Variants in CHFR observed in about 807,000 individuals in gnomAD.
CHFR encodes the protein E3 ubiquitin-protein ligase CHFR.
CHFR carries 57 observed loss-of-function variants against 87.6 expected under a neutral mutation model. The ratio of observed to expected loss-of-function variants is 0.65; its 90% CI spans 0.53 to 0.81. CHFR has a LOEUF of 0.81. Among genes scored for constraint, CHFR ranks in the 30% least tolerant of loss-of-function variants. The pLI is 0.00. For missense variants in CHFR, 797 were observed against 865.8 expected, an observed-to-expected ratio of 0.92 and a Z score of 1.00; for synonymous variants, 381 against 359.2, an observed-to-expected ratio of 1.06 and a Z score of -0.69.
rs1490748227 is a variant in CHFR at position 132,838,765 on chromosome 12, T to A, written c.*2789A>T. The A allele has an allele frequency of 6.6e-6, 1 of 152,202 alleles. No homozygotes were observed. Among genetic ancestry groups the A allele is most frequent in the Non-Finnish European group, 1.5e-5 (1 of 68,080 alleles). 9.4% of individuals were successfully genotyped at this position (152,202 alleles called of 1,614,324 possible). ...TTTGCTGGGTGGGATGGCTGGGTCT[T>A]GAGGACGAGGAAGTACAGAAGCTCA... is the stretch of plus-strand genomic sequence containing the variant. On this transcript the variant is annotated 3_prime_UTR_variant, in exon 18 of 18. Coordinates refer to ENST00000450056, the MANE Select transcript of CHFR (RefSeq NM_001161346.2).
intron 16 of CHFR, 24 bp downstream of exon 16, chr12:132,844,003 A>T (rs372224351): frequency 1.6e-5 from 23 of 1,467,522 alleles, no homozygotes; most frequent in Non-Finnish European, 2.0e-5. Context: ...AACTAGAGCC[A>T]TGAGGAAGTC....
intron 6 of CHFR, chr12:132,866,486 C>T (rs1231845218): frequency 6.6e-6 from 1 of 152,010 alleles, no homozygotes; most frequent in East Asian, 1.9e-4. Context: ...AATGTTACAA[C>T]ACAGCATGTA....
chr12:132,848,489 G>A, intron 13 of CHFR, 152 bp downstream of exon 13: 1 of 702,234 alleles, frequency 1.4e-6, no homozygotes, highest in Non-Finnish European at 2.5e-6. Flanking sequence ...ACACACCTCT[G>A]CAGTCCAGCC....
intron 9 of CHFR, 112 bp from the exon 10 acceptor site, chr12:132,856,742 C>T (rs760376738): frequency 1.6e-6 from 2 of 1,227,982 alleles, no homozygotes; most frequent in Non-Finnish European, 1.2e-6. Flanking sequence ...GGGGTCTGGG[C>T]GGACCGCCCT....
intron 9 of CHFR, 110 bp from the exon 10 acceptor site, chr12:132,856,740 G>A: frequency 1.6e-6 from 2 of 1,257,938 alleles, no homozygotes; most frequent in Non-Finnish European, 2.3e-6. Flanking sequence ...GAGGGGTCTG[G>A]GCGGACCGCC....
intron 3 of CHFR, among the ~76,000 whole-genome samples, chr12:132,873,680 C>T (rs1032664768): frequency 4.9e-5 from 7 of 144,292 alleles, no homozygotes; most frequent in African/African-American, 1.0e-4. Flanking sequence ...CATGCAGGGG[C>T]GCTGGAGCTG....
At chr12:132,884,386 G>A (rs1269127276) in intron 2 of CHFR, among the ~76,000 whole-genome samples, 1 of 149,636 alleles carries the variant, frequency 6.7e-6, no homozygotes, top group African/African-American at 2.4e-5. Context: ...CTGCACTACA[G>A]CCTGGGCAAT....
chr12:132,873,396 G>A (rs1951537552), intron 3 of CHFR, among the ~76,000 whole-genome samples: 1 of 152,240 alleles, frequency 6.6e-6, no homozygotes, highest in South Asian at 2.1e-4. Context: ...GTGTGTGTCT[G>A]AGTTCTGCTG....
chr12:132,847,982 G>A (rs1280002540), intron 14 of CHFR, 103 bp downstream of exon 14: 2 of 1,569,648 alleles, frequency 1.3e-6, no homozygotes, highest in Non-Finnish European at 1.7e-6. Flanking sequence ...ACCCGCAGCG[G>A]GTCAGGTAAA....
intron 15 of CHFR, among the ~76,000 whole-genome samples, chr12:132,846,653 G>A (rs1950835853): frequency 6.6e-6 from 1 of 152,028 alleles, no homozygotes; most frequent in Non-Finnish European, 1.5e-5. Flanking sequence ...AGCTGAGGTG[G>A]GCAGATCACC....
intron 6 of CHFR, among the ~76,000 whole-genome samples, chr12:132,864,907 T>C (rs1951299424): frequency 6.6e-6 from 1 of 152,188 alleles, no homozygotes; most frequent in African/African-American, 2.4e-5. Flanking sequence ...GCTATGCACA[T>C]TGGTGGATAG....
chr12:132,876,440 G>A (rs972827750), intron 3 of CHFR, among the ~76,000 whole-genome samples: 3 of 152,042 alleles, frequency 2.0e-5, no homozygotes, highest in African/African-American at 7.2e-5. Context: ...ATGCTCAACT[G>A]GTAAGTATAA....
At chr12:132,873,020 T>C (rs569062926) in intron 3 of CHFR, among the ~76,000 whole-genome samples, 201 of 152,262 alleles carry the variant, frequency 1.3e-3, no homozygotes, top group Non-Finnish European at 2.5e-3. Flanking sequence ...TCCTGGGGAC[T>C]TCTGAGCAGA....
intron 7 of CHFR, among the ~76,000 whole-genome samples, chr12:132,860,967 G>C (rs1051238105): frequency 6.6e-6 from 1 of 152,196 alleles, no homozygotes; most frequent in South Asian, 2.1e-4. Context: ...TGGCCAGGCT[G>C]GTCTTGAACT....
rs1451601823 is a variant in CHFR, at chr12:132,853,546, A to C, written c.1257T>G (p.Cys419Trp). The C allele has an allele frequency of 6.5e-7, 1 of 1,533,328 alleles. No homozygotes were observed. The highest frequency in any genetic ancestry group is 2.1e-5 in the Admixed American group (1 of 48,448). The allele number at this position is 1,533,328 out of a possible 1,614,324, so 95.0% of individuals were successfully genotyped here. ...ISQPYVVCRQ[C>W]PEYRRQAAQP... ...GCGCCGCCTGCCTTCTGTACTCAGGACACTGCCGGCACACGACGTATGGCT... is the reference window on the plus strand; with the variant it reads ...GCGCCGCCTGCCTTCTGTACTCAGGCCACTGCCGGCACACGACGTATGGCT... The change falls in exon 11 of 18, where the codon TGT (cysteine) becomes TGG (tryptophan). Residue 419 changes from cysteine to tryptophan, a missense_variant. Around this residue, in one of 2 missense-constraint regions of CHFR, gnomAD observed 597 missense variants for 601.2 expected, o/e 0.99. Transcript: ENST00000450056.
rs1291240066 is a variant in CHFR, at chr12:132,843,086, G to A, written c.1844-3C>T. ...GTCAGGACGGGATGTTACGGCCACTGGAAAAAGAGAAGGGGTACGCATCTA... is the reference window on the plus strand; with the variant it reads ...GTCAGGACGGGATGTTACGGCCACTAGAAAAAGAGAAGGGGTACGCATCTA... On this transcript the variant is annotated splice_polypyrimidine_tract_variant and splice_region_variant and intron_variant, in intron 16 of 17. Coordinates refer to ENST00000450056, the MANE Select transcript of CHFR (RefSeq NM_001161346.2). 6.2e-6 allele frequency: 10 copies of A among 1,612,452 alleles called. No homozygotes were observed. The highest frequency in any genetic ancestry group is 8.5e-6 in the Non-Finnish European group (10 of 1,179,390).
intron 10 of CHFR, among the ~76,000 whole-genome samples, chr12:132,856,034 T>C (rs1038585230): frequency 6.6e-6 from 1 of 152,152 alleles, no homozygotes; most frequent in Non-Finnish European, 1.5e-5. Context: ...ATGATAAACA[T>C]TGCAATTTAT....
Position 132,840,061 on chromosome 12 carries a change from C to G in CHFR, c.*1493G>C, listed in dbSNP as rs533581400. On this transcript the variant is annotated 3_prime_UTR_variant, in exon 18 of 18. Transcript: ENST00000450056. ...TCCCGGCCTCACCCCTGCACTAACA[C>G]GGGACCTCCCCTCTCAGCCCCACCC... is the stretch of plus-strand genomic sequence containing the variant. 2 of 154,096 alleles carry G rather than the reference C, an allele frequency of 1.3e-5. No individual in the cohort carries two copies. Among genetic ancestry groups the G allele is most frequent in the African/African-American group, 4.9e-5 (2 of 40,614 alleles). 9.5% of individuals were successfully genotyped at this position (154,096 alleles called of 1,614,324 possible).
At position 132,872,359 on chromosome 12, in the gene CHFR, A is replaced by G; in HGVS notation, c.269T>C (p.Val90Ala). 6.2e-7 allele frequency: 1 copy of G among 1,613,668 alleles called. No homozygotes were observed. Among genetic ancestry groups the G allele is most frequent in the Non-Finnish European group, 8.5e-7 (1 of 1,179,562 alleles). The change falls in exon 4 of 18, where the codon GTT (valine) becomes GCT (alanine). Residue 90 changes from valine (V) to alanine (A), a missense_variant. Physicochemically the swap from Val to Ala is moderately conservative, Grantham distance 64. Transcript: ENST00000450056. Reference protein sequence around the residue: ...SGTVINKLKVVKKQTCPLQTG... With the variant: ...SGTVINKLKVAKKQTCPLQTG... ...CTGTAAAGGGCATGTCTGCTTCTTAACAACCTTCAGCTTGTTAATCACTGT... is the reference window on the plus strand; with the variant it reads ...CTGTAAAGGGCATGTCTGCTTCTTAGCAACCTTCAGCTTGTTAATCACTGT...
Sources: allele counts gnomAD v4.1 joint callset (sites outside exome capture counted in the v4.1 genomes callset), GRCh38; gene constraint gnomAD v4.1.1; regional missense constraint gnomAD v4.1.1; transcripts MANE v1.5; gene names NCBI Gene and HGNC (gene_info 2026-07-23, HGNC 2026-07-21).